The following CGAS variants were observed in gnomAD, a reference collection of about 807,000 sequenced individuals.
CGAS encodes 2'3'-cGAMP synthase.
In CGAS, 31 loss-of-function variants were observed where a neutral mutation model predicts 34.0. That is an observed-to-expected ratio of 0.91 (90% confidence interval 0.69 to 1.23). The LOEUF (loss-of-function observed/expected upper bound fraction) is 1.23. Among genes scored for constraint, CGAS ranks in the 50% most tolerant of loss-of-function variants. The probability of loss-of-function intolerance (pLI) is 0.00; values close to 1 mark genes in which losing one functional copy is unlikely to be tolerated. For missense variants in CGAS, 597 were observed against 657.6 expected, an observed-to-expected ratio of 0.91 and a Z score of 1.01; for synonymous variants, 266 against 260.0, an observed-to-expected ratio of 1.02 and a Z score of -0.22.
intron 4 of CGAS, among the ~76,000 whole-genome samples, 173 bp from the exon 5 acceptor site, chr6:73,425,751 G>A (rs924661843): frequency 2.6e-5 from 4 of 151,922 alleles, no homozygotes; most frequent in Admixed American, 6.6e-5. Flanking sequence ...GAGGCAGGGG[G>A]ATCACCTAAG....
intron 3 of CGAS, among the ~76,000 whole-genome samples, chr6:73,438,710 A>AG (rs1770324072): frequency 6.6e-6 from 1 of 151,360 alleles, no homozygotes; most frequent in Non-Finnish European, 1.5e-5. Flanking sequence ...AAAAAAAAAA[A>AG]AAGAACTGCC....
intron 3 of CGAS, among the ~76,000 whole-genome samples, chr6:73,438,054 G>A (rs1250986973): frequency 6.6e-6 from 1 of 152,132 alleles, no homozygotes; most frequent in East Asian, 1.9e-4. Flanking sequence ...GGGCGACACA[G>A]CGAGACTCTG....
intron 3 of CGAS, among the ~76,000 whole-genome samples, chr6:73,435,201 G>A (rs1022441657): frequency 6.6e-5 from 10 of 151,984 alleles, no homozygotes; most frequent in South Asian, 2.1e-4. Flanking sequence ...GGGGTTATAC[G>A]GGAACTCTCT....
chr6:73,451,485 C>G (rs936413686), intron 1 of CGAS, 40 bp downstream of exon 1: 6 of 1,513,452 alleles, frequency 4.0e-6, no homozygotes, highest in South Asian at 2.5e-5. Context: ...TGCGGAAGGC[C>G]GAGCAGCGGG....
intron 1 of CGAS, among the ~76,000 whole-genome samples, chr6:73,447,771 T>A (rs1263684891): frequency 6.6e-6 from 1 of 152,228 alleles, no homozygotes; most frequent in African/African-American, 2.4e-5. Context: ...TTTGATGATA[T>A]TCTAAATGGT....
chr6:73,440,638 A>T (rs1427477441), intron 2 of CGAS, among the ~76,000 whole-genome samples, 193 bp from the exon 3 acceptor site: 1 of 152,310 alleles, frequency 6.6e-6, no homozygotes, highest in South Asian at 2.1e-4. Context: ...ATGATGGCTC[A>T]TGCCTGTAAT....
intron 3 of CGAS, among the ~76,000 whole-genome samples, chr6:73,436,994 C>G (rs1582652891): frequency 6.6e-6 from 1 of 150,578 alleles, no homozygotes; most frequent in Non-Finnish European, 1.5e-5. Context: ...CTACTAAAAA[C>G]ACAAAAATTA....
At chr6:73,447,184 T>C (rs1392403900) in intron 1 of CGAS, among the ~76,000 whole-genome samples, 2 of 152,276 alleles carry the variant, frequency 1.3e-5, no homozygotes, top group Non-Finnish European at 2.9e-5. Flanking sequence ...TGTCAATTAC[T>C]TCCTCTTCAA....
At chr6:73,433,115 T>C (rs1770221348) in intron 3 of CGAS, among the ~76,000 whole-genome samples, 1 of 151,946 alleles carries the variant, frequency 6.6e-6, no homozygotes, top group African/African-American at 2.4e-5. Flanking sequence ...AGTTTTAAAA[T>C]AGATCAATTA....
At chr6:73,438,448 A>G (rs1306177796) in intron 3 of CGAS, among the ~76,000 whole-genome samples, 1 of 152,192 alleles carries the variant, frequency 6.6e-6, no homozygotes, top group Admixed American at 6.5e-5. Context: ...CTGTAATCCC[A>G]GCACTTTGGG....
intron 4 of CGAS, among the ~76,000 whole-genome samples, chr6:73,426,446 CCT>C (rs1431223357): frequency 2.7e-5 from 4 of 150,876 alleles, no homozygotes; most frequent in African/African-American, 9.7e-5. Flanking sequence ...ACATTTTTTC[CCT>C]CTCTTTCCCA....
chr6:73,425,223 A>G lies in CGAS; in HGVS notation c.*4T>C, dbSNP rs1770064909. The G allele has an allele frequency of 6.5e-7, 1 of 1,548,890 alleles. No individual in the cohort carries two copies. Among genetic ancestry groups the G allele is most frequent in the Admixed American group, 2.1e-5 (1 of 48,014 alleles). On this transcript the variant is annotated 3_prime_UTR_variant, in exon 5 of 5. Coordinates refer to ENST00000370315, the MANE Select transcript of CGAS (RefSeq NM_138441.3). ...AGTTCTTAGATCTTTCTAAAAATAC[A>G]ATCTCAAAATTCATCAAAAACTGGA...
At chr6:73,441,436 A>G (rs555778322) in intron 2 of CGAS, among the ~76,000 whole-genome samples, 1 of 152,320 alleles carries the variant, frequency 6.6e-6, no homozygotes, top group Non-Finnish European at 1.5e-5. Context: ...GAGCAACTAA[A>G]GAAGTCCAAA....
Position 73,425,846 on chromosome 6 carries a change from C to T in CGAS, c.1218-268G>A, listed in dbSNP as rs185533791. Among the ~76,000 whole-genome samples, 343 of 152,086 alleles carry T rather than the reference C, an allele frequency of 2.3e-3. 2 individuals carry two copies. Among genetic ancestry groups the T allele is most frequent in the Non-Finnish European group, 4.1e-3 (277 of 68,008 alleles). ...AAAATTAGCTGGGCGTGGTGGCGCA[C>T]GCCTGTAATCCCAGCTACTCTGCAG... On this transcript the variant is annotated intron_variant, in intron 4 of 4. Transcript: ENST00000370315.
intron 2 of CGAS, among the ~76,000 whole-genome samples, chr6:73,440,911 A>AAAAAAAC (rs928009593): frequency 6.6e-6 from 1 of 151,810 alleles, no homozygotes; most frequent in African/African-American, 2.4e-5. Flanking sequence ...CAAAAAAGAA[A>AAAAAAAC]AAAAAACAAA....
Position 73,425,314 on chromosome 6 carries a change from G to C in CGAS, c.1482C>G (p.Asn494Lys). Residue 494 changes from asparagine to lysine, a missense_variant, in exon 5 of 5, where the codon AAC (asparagine) becomes AAG (lysine). Physicochemically the swap from Asn to Lys is moderately conservative, Grantham distance 94. This residue lies in a region of CGAS where 271 missense variants were observed against 324.1 expected (regional missense o/e 0.84). Coordinates refer to ENST00000370315, the MANE Select transcript of CGAS (RefSeq NM_138441.3). ...FIPEFNLFSSNLIDKRSKEFL... is the reference protein window; with the variant it reads ...FIPEFNLFSSKLIDKRSKEFL... Reference sequence around the variant, plus strand: ...ATTCCTTACTTCTTTTGTCAATTAAGTTGCTAGAGAATAGATTGAATTCAG... The same window carrying C: ...ATTCCTTACTTCTTTTGTCAATTAACTTGCTAGAGAATAGATTGAATTCAG... 1 of 1,606,032 alleles carries C rather than the reference G, an allele frequency of 6.2e-7. No individual in the cohort carries two copies. Among genetic ancestry groups the C allele is most frequent in the East Asian group, 2.2e-5 (1 of 44,854 alleles).
At chr6:73,434,015 T>C (rs150072474) in intron 3 of CGAS, among the ~76,000 whole-genome samples, 4 of 152,328 alleles carry the variant, frequency 2.6e-5, no homozygotes, top group Non-Finnish European at 4.4e-5. Flanking sequence ...CAAGACTCTC[T>C]CAGACACCCT....
Position 73,451,682 on chromosome 6 carries a change from G to T in CGAS, c.500C>A (p.Ala167Glu), listed in dbSNP as rs141016543. The change falls in exon 1 of 5, where the codon GCG (alanine) becomes GAG (glutamate). Residue 167 changes from alanine to glutamate, a missense_variant. Ala to Glu is a moderately radical substitution (Grantham distance 107, BLOSUM62 -1). Around this residue, in one of 3 missense-constraint regions of CGAS, gnomAD observed 321 missense variants for 314.3 expected, o/e 1.02. Transcript: ENST00000370315. Reference protein sequence around the residue: ...DAAPGASKLRAVLEKLKLSRD... With the variant: ...DAAPGASKLREVLEKLKLSRD... ...GCTGAGCTTCAACTTCTCCAAAACCGCCCGGAGCTTCGAGGCCCCAGGCGC... is the reference window on the plus strand; with the variant it reads ...GCTGAGCTTCAACTTCTCCAAAACCTCCCGGAGCTTCGAGGCCCCAGGCGC... 4 of 1,613,950 alleles carry T rather than the reference G, an allele frequency of 2.5e-6. No homozygotes were observed. The highest frequency in any genetic ancestry group is 1.1e-5 in the South Asian group (1 of 91,084).
chr6:73,446,150 T>C (rs1292824202), intron 1 of CGAS, among the ~76,000 whole-genome samples: 2 of 151,810 alleles, frequency 1.3e-5, no homozygotes, highest in African/African-American at 4.8e-5. Flanking sequence ...TCCAACATGG[T>C]GAAACCCCGT....
Sources: allele counts gnomAD v4.1 joint callset (sites outside exome capture counted in the v4.1 genomes callset), GRCh38; gene constraint gnomAD v4.1.1; regional missense constraint gnomAD v4.1.1; transcripts MANE v1.5; gene names NCBI Gene and HGNC (gene_info 2026-07-23, HGNC 2026-07-21).